HAPSTR1: variants seen among roughly 807,000 people sequenced by gnomAD.
The protein encoded by HAPSTR1 is HUWE1 associated protein modifying stress responses.
chr16:9,105,938 A>G, the HAPSTR1 span: 1 of 152,206 alleles, frequency 6.6e-6, no homozygotes, highest in Non-Finnish European at 1.5e-5. Flanking sequence ...TACCCCCATC[A>G]AATACAGCCC....
the HAPSTR1 span, chr16:9,117,220 A>T: frequency 3.8e-6 from 1 of 260,606 alleles, no homozygotes; most frequent in East Asian, 7.8e-5. Context: ...TTATTCTCAA[A>T]GGGAAAGGAA....
the HAPSTR1 span, among the ~76,000 whole-genome samples, chr16:9,115,703 C>T: frequency 6.6e-6 from 1 of 152,164 alleles, no homozygotes; most frequent in Non-Finnish European, 1.5e-5. Context: ...CAACCACCGC[C>T]TCCCGGGTTC....
At chr16:9,094,131 TGAGTA>T in the HAPSTR1 span, among the ~76,000 whole-genome samples, 1 of 152,192 alleles carries the variant, frequency 6.6e-6, no homozygotes, top group African/African-American at 2.4e-5. Context: ...TGAGATTTCT[TGAGTA>T]GACTACAGTT....
chr16:9,096,199 A>G, the HAPSTR1 span, among the ~76,000 whole-genome samples: 1 of 152,192 alleles, frequency 6.6e-6, no homozygotes, highest in Non-Finnish European at 1.5e-5. Flanking sequence ...ATTCTAGTAC[A>G]AGCTCTTAGC....
chr16:9,102,115 A>G, the HAPSTR1 span, among the ~76,000 whole-genome samples: 2 of 152,248 alleles, frequency 1.3e-5, no homozygotes, highest in Non-Finnish European at 2.9e-5. Flanking sequence ...GTCTCAAAAA[A>G]TAAAATAAAA....
chr16:9,116,094 G>A, the HAPSTR1 span, among the ~76,000 whole-genome samples: 53 of 152,296 alleles, frequency 3.5e-4, no homozygotes, highest in African/African-American at 1.3e-3. Flanking sequence ...GACTGACTTT[G>A]TACCTCATGT....
chr16:9,116,860 G>A, the HAPSTR1 span: 3 of 1,614,078 alleles, frequency 1.9e-6, no homozygotes, highest in South Asian at 3.3e-5. Context: ...TCAGCCCAGT[G>A]TGGCGATGTC....
the HAPSTR1 span, chr16:9,103,465 AAGTT>A: frequency 1.8e-6 from 1 of 561,752 alleles, no homozygotes; most frequent in Non-Finnish European, 3.0e-6. Flanking sequence ...TGTTTTTAGA[AAGTT>A]AGTTTGAGCT....
the HAPSTR1 span, chr16:9,092,819 G>C: frequency 8.0e-7 from 1 of 1,244,320 alleles, no homozygotes; most frequent in Non-Finnish European, 1.1e-6. Context: ...GGCCGTTCCG[G>C]AGTGATTGAC....
the HAPSTR1 span, among the ~76,000 whole-genome samples, chr16:9,098,135 A>G: frequency 5.4e-3 from 830 of 152,296 alleles, 8 homozygotes; most frequent in African/African-American, 0.019. Flanking sequence ...GTTTGAGACC[A>G]GCCTGACCAA....
chr16:9,093,633 T>G, the HAPSTR1 span, among the ~76,000 whole-genome samples: 1 of 152,132 alleles, frequency 6.6e-6, no homozygotes, highest in Non-Finnish European at 1.5e-5. Context: ...GATCCTATAT[T>G]TGATTATAAG....
At chr16:9,096,197 A>G in the HAPSTR1 span, among the ~76,000 whole-genome samples, 1 of 152,194 alleles carries the variant, frequency 6.6e-6, no homozygotes, top group Admixed American at 6.5e-5. Flanking sequence ...AGATTCTAGT[A>G]CAAGCTCTTA....
chr16:9,100,558 G>C, the HAPSTR1 span, among the ~76,000 whole-genome samples: 5 of 151,800 alleles, frequency 3.3e-5, no homozygotes, highest in Admixed American at 2.6e-4. Flanking sequence ...TTTTGAGAGA[G>C]AGTCTTACTC....
the HAPSTR1 span, chr16:9,121,450 GACCTTTCAGTTTTAATCTGTTTTTT>G: frequency 6.6e-6 from 1 of 152,172 alleles, no homozygotes; most frequent in Non-Finnish European, 1.5e-5. Context: ...TGGCAGAAGT[GACCTTTCAGTTTTAATCTGTTTTTT>G]ACCTGCTCGT....
the HAPSTR1 span, among the ~76,000 whole-genome samples, chr16:9,095,997 A>G: frequency 1.2e-4 from 19 of 152,210 alleles, no homozygotes; most frequent in African/African-American, 4.3e-4. Context: ...GGAGTAAAAA[A>G]TCATTTTAAT....
At chr16:9,113,346 G>T in the HAPSTR1 span, among the ~76,000 whole-genome samples, 1 of 152,144 alleles carries the variant, frequency 6.6e-6, no homozygotes, top group South Asian at 2.1e-4. Flanking sequence ...CATACACCCA[G>T]TAGAAAAAGA....
the HAPSTR1 span, chr16:9,106,132 G>C: frequency 1.9e-4 from 29 of 152,270 alleles, no homozygotes; most frequent in African/African-American, 6.7e-4. Context: ...CAATTGGCCG[G>C]GTGCTGTGGC....
chr16:9,119,991 A>G, the HAPSTR1 span: 3 of 152,372 alleles, frequency 2.0e-5, no homozygotes, highest in East Asian at 3.9e-4. Context: ...AAATGGGGCC[A>G]TAAGTTTAGA....
the HAPSTR1 span, among the ~76,000 whole-genome samples, chr16:9,101,976 C>T: frequency 3.9e-5 from 6 of 152,120 alleles, no homozygotes; most frequent in Non-Finnish European, 7.3e-5. Context: ...GAAAAATTAG[C>T]CAGGCATGGT....
Sources: allele counts gnomAD v4.1 joint callset (sites outside exome capture counted in the v4.1 genomes callset), GRCh38; gene constraint gnomAD v4.1.1; transcripts MANE v1.5; gene names NCBI Gene and HGNC (gene_info 2026-07-23, HGNC 2026-07-21).